MTTP: variants seen among roughly 807,000 people sequenced by gnomAD.
The protein encoded by MTTP is microsomal triglyceride transfer protein large subunit.
A neutral mutation model predicts 90.6 loss-of-function variants in MTTP; 49 were observed. That is an observed-to-expected ratio of 0.54 (90% CI 0.43 to 0.69). The LOEUF (loss-of-function observed/expected upper bound fraction) is 0.69, where lower values mean the gene tolerates loss of function less well. Ranked by LOEUF, MTTP falls within the 30% of genes least tolerant of loss-of-function variation. MTTP has a pLI of 0.00. For missense variants in MTTP, 945 were observed against 1,067.5 expected (o/e 0.89, Z 1.60); for synonymous variants, 347 against 384.2 (o/e 0.90, Z 1.13).
Position 99,583,518 on chromosome 4 carries a change from G to A in MTTP, c.393+1G>A. On this transcript the variant is annotated splice_donor_variant, in intron 3 of 17. Coordinates refer to ENST00000265517, the MANE Select transcript of MTTP (RefSeq NM_001386140.1). LOFTEE classifies it high-confidence loss of function. Reference sequence around the variant, plus strand: ...GCTCCTTCATCTAATCCATGGAAAGGTAAAGGGGCGTTTAGATTCCACAAC... The same window carrying A: ...GCTCCTTCATCTAATCCATGGAAAGATAAAGGGGCGTTTAGATTCCACAAC... 6.2e-7 allele frequency: 1 copy of A among 1,613,510 alleles called. No individual in the cohort carries two copies. The highest frequency in any genetic ancestry group is 1.1e-5 in the South Asian group (1 of 91,068).
At chr4:99,580,370 T>G (rs1299433641) in intron 1 of MTTP, among the ~76,000 whole-genome samples, 1 of 150,206 alleles carries the variant, frequency 6.7e-6, no homozygotes, top group Non-Finnish European at 1.5e-5. Flanking sequence ...AGGTTAGGAG[T>G]TCAAGACCAG....
Position 99,623,074 on chromosome 4 carries a change from GT to G in MTTP, c.*229del. The G allele has an allele frequency of 1.8e-6, 1 of 569,750 alleles. No homozygotes were observed. The highest frequency in any genetic ancestry group is 2.9e-5 in the Admixed American group (1 of 35,016). The allele number at this position is 569,750 out of a possible 1,614,324, so 35.3% of individuals were successfully genotyped here. On this transcript the variant is annotated 3_prime_UTR_variant, in exon 18 of 18. Coordinates refer to ENST00000265517, the MANE Select transcript of MTTP (RefSeq NM_001386140.1). The stretch of plus-strand genomic sequence containing the variant: ...TGTGACGCTTTCAACAACGTTCTTA[GT>G]TTACTTATACCTCTCTCAAATCTCA...
At chr4:99,593,558 T>TA (rs1231777780) in intron 6 of MTTP, among the ~76,000 whole-genome samples, 1 of 152,178 alleles carries the variant, frequency 6.6e-6, no homozygotes, top group Non-Finnish European at 1.5e-5. Context: ...TGTTAAATCT[T>TA]AGAGTTTCTG....
At chr4:99,577,621 A>G (rs74483893) in intron 1 of MTTP, among the ~76,000 whole-genome samples, 4 of 132,048 alleles carry the variant, frequency 3.0e-5, no homozygotes, top group South Asian at 2.5e-4. Context: ...AAAAAAAAAA[A>G]AGAAAGAAAA....
At chr4:99,583,620 GT>G in intron 3 of MTTP, 103 bp downstream of exon 3, 1 of 1,371,758 alleles carries the variant, frequency 7.3e-7, no homozygotes, top group Non-Finnish European at 1.0e-6. Flanking sequence ...TACTTTTATG[GT>G]AAATGGAATT....
Position 99,594,938 on chromosome 4 carries a change from G to T in MTTP, c.909+55G>T, listed in dbSNP as rs1560618952. On this transcript the variant is annotated intron_variant, in intron 7 of 17. Coordinates refer to ENST00000265517, the MANE Select transcript of MTTP (RefSeq NM_001386140.1). ...TGACATCAGACTCTGTTTTCATTTTGTCTCCAGTGAAAGCATCAACTCATT... is the reference window on the plus strand; with the variant it reads ...TGACATCAGACTCTGTTTTCATTTTTTCTCCAGTGAAAGCATCAACTCATT... 3.1e-6 allele frequency: 5 copies of T among 1,596,522 alleles called. No homozygotes were observed. In the East Asian group the frequency reaches 6.7e-5, roughly 21 times the overall value.
intron 1 of MTTP, among the ~76,000 whole-genome samples, chr4:99,577,691 G>A (rs1205273448): frequency 1.3e-5 from 2 of 151,824 alleles, no homozygotes; most frequent in Non-Finnish European, 2.9e-5. Context: ...AATCTGAAGA[G>A]GGTATTAGGA....
In MTTP at chr4:99,594,855, T is replaced by A; in HGVS notation, c.881T>A (p.Phe294Tyr). ...YTAIPIVGQV[F>Y]QSHCKGCPSL... is the part of the protein sequence containing the mutation. Reference sequence around the variant, plus strand: ...GCCATTCCCATTGTGGGGCAGGTCTTCCAGAGCCACTGTAAAGGATGTCCT... The same window carrying A: ...GCCATTCCCATTGTGGGGCAGGTCTACCAGAGCCACTGTAAAGGATGTCCT... Residue 294 changes from phenylalanine (F) to tyrosine (Y), a missense_variant, in exon 7 of 18, where the codon TTC (phenylalanine) becomes TAC (tyrosine). Physicochemically the swap from Phe to Tyr is conservative, Grantham distance 22. Coordinates refer to ENST00000265517, the MANE Select transcript of MTTP (RefSeq NM_001386140.1). 6.2e-7 allele frequency: 1 copy of A among 1,613,972 alleles called. No individual in the cohort carries two copies. The highest frequency in any genetic ancestry group is 8.5e-7 in the Non-Finnish European group (1 of 1,179,880).
intron 1 of MTTP, among the ~76,000 whole-genome samples, chr4:99,565,687 T>A (rs1724670423): frequency 6.6e-6 from 1 of 152,228 alleles, no homozygotes; most frequent in African/African-American, 2.4e-5. Context: ...GTACTTGAGA[T>A]GCTTGTACTT....
At chr4:99,579,641 A>AT (rs917134605) in intron 1 of MTTP, among the ~76,000 whole-genome samples, 3 of 152,002 alleles carry the variant, frequency 2.0e-5, no homozygotes, top group African/African-American at 7.2e-5. Flanking sequence ...TTATGTACTC[A>AT]TTTTTTTATT....
chr4:99,623,866 G>A lies in MTTP; in HGVS notation c.*1018G>A, dbSNP rs1036088923. The A allele has an allele frequency of 6.6e-6, 1 of 152,108 alleles. No individual in the cohort carries two copies. The highest frequency in any genetic ancestry group is 1.5e-5 in the Non-Finnish European group (1 of 68,022). The allele number at this position is 152,108 out of a possible 1,614,324, so 9.4% of individuals were successfully genotyped here. On this transcript the variant is annotated 3_prime_UTR_variant, in exon 18 of 18. Transcript: ENST00000265517. The stretch of plus-strand genomic sequence containing the variant: ...CAAATATTTATTAATAAACAGATGT[G>A]GTGATAAACCCAAAACAAATGACAG...
At chr4:99,593,579 A>G (rs1725481344) in intron 6 of MTTP, among the ~76,000 whole-genome samples, 1 of 152,134 alleles carries the variant, frequency 6.6e-6, no homozygotes, top group Admixed American at 6.6e-5. Flanking sequence ...TTATTTTCAG[A>G]TTTTAATTCA....
rs116678836 is a variant in MTTP at position 99,601,382 on chromosome 4, T to G, written c.1237-225T>G. Reference sequence around the variant, plus strand: ...AATCCAATCCATAAATTTCCAGGGTTAAGAATTCCCTGTACCACAGGTTAA... The same window carrying G: ...AATCCAATCCATAAATTTCCAGGGTGAAGAATTCCCTGTACCACAGGTTAA... On this transcript the variant is annotated intron_variant, in intron 9 of 17. Transcript: ENST00000265517. 0.037 allele frequency among the ~76,000 whole-genome samples: 5,593 copies of G among 150,908 alleles called. 134 individuals are homozygous for G. The highest frequency in any genetic ancestry group is 0.056 in the Non-Finnish European group (3,780 of 67,642).
chr4:99,617,786 C>T (rs1260956299), intron 15 of MTTP, among the ~76,000 whole-genome samples: 2 of 152,228 alleles, frequency 1.3e-5, no homozygotes, highest in East Asian at 3.9e-4. Flanking sequence ...CAGACAACCA[C>T]AAAATTTGCT....
At chr4:99,589,182 C>T (rs956537036) in intron 3 of MTTP, among the ~76,000 whole-genome samples, 2 of 148,338 alleles carry the variant, frequency 1.3e-5, no homozygotes. Context: ...TTGCAATAGC[C>T]CATAAAGGCT....
intron 1 of MTTP, among the ~76,000 whole-genome samples, chr4:99,567,514 C>A (rs1421684750): frequency 6.6e-6 from 1 of 152,084 alleles, no homozygotes; most frequent in African/African-American, 2.4e-5. Flanking sequence ...AATGTGAGGT[C>A]GGCGTCAAAA....
chr4:99,617,788 A>G (rs1390041862), intron 15 of MTTP, among the ~76,000 whole-genome samples: 1 of 152,346 alleles, frequency 6.6e-6, no homozygotes, highest in East Asian at 1.9e-4. Flanking sequence ...GACAACCACA[A>G]AATTTGCTCA....
At chr4:99,575,037 T>C in intron 1 of MTTP, 67 bp downstream of exon 1, 1 of 1,447,712 alleles carries the variant, frequency 6.9e-7, no homozygotes, top group South Asian at 1.1e-5. Context: ...GATACGTGCG[T>C]GTGTGTGTGT....
At chr4:99,579,118 G>T (rs1462071615) in intron 1 of MTTP, among the ~76,000 whole-genome samples, 1 of 152,152 alleles carries the variant, frequency 6.6e-6, no homozygotes, top group East Asian at 1.9e-4. Context: ...CTGACTTGGT[G>T]CTTGGACACA....
Sources: gnomAD v4.1 joint callset for allele counts (sites outside exome capture counted in the v4.1 genomes callset) on GRCh38, gnomAD v4.1.1 for gene constraint, MANE v1.5 for transcripts, NCBI Gene and HGNC (gene_info 2026-07-23, HGNC 2026-07-21) for gene names.